ATP8A2: variants seen among roughly 807,000 people sequenced by gnomAD.
The protein encoded by ATP8A2 is ATPase phospholipid transporting 8A2.
In ATP8A2, 100 loss-of-function variants were observed where a neutral mutation model predicts 165.6. The ratio of observed to expected loss-of-function variants is 0.60; its 90% CI spans 0.51 to 0.71. The LOEUF is 0.71. Among genes scored for constraint, ATP8A2 ranks in the 30% least tolerant of loss-of-function variants. ATP8A2 has a pLI of 0.00. For synonymous variants in ATP8A2, 543 were observed against 548.8 expected, an observed-to-expected ratio of 0.99 and a Z score of 0.15; for missense variants, 1,227 against 1,479.5, an observed-to-expected ratio of 0.83 and a Z score of 2.80.
In ATP8A2 at chr13:25,849,213, G is replaced by GC. The variant is rs139967087; in HGVS notation, c.2956+9590dup. ...ACCTCAGTTCTCCCTCCTGAGCCCTGCATGAGTGTGATGCCTGCATTGTTC... is the reference window on the plus strand; with the variant it reads ...ACCTCAGTTCTCCCTCCTGAGCCCTGCCATGAGTGTGATGCCTGCATTGTTC... On this transcript the variant is annotated intron_variant, in intron 30 of 36. Coordinates refer to ENST00000381655, the MANE Select transcript of ATP8A2 (RefSeq NM_016529.6). 1.3e-3 allele frequency among the ~76,000 whole-genome samples: 205 copies of GC among 152,322 alleles called. 2 individuals are homozygous for GC. Among genetic ancestry groups the GC allele is most frequent in the African/African-American group, 4.8e-3 (200 of 41,562 alleles).
chr13:25,795,376 A>T (rs1950480096), intron 27 of ATP8A2, among the ~76,000 whole-genome samples: 1 of 152,218 alleles, frequency 6.6e-6, no homozygotes, highest in African/African-American at 2.4e-5. Context: ...CACAAGTGCA[A>T]AGACCTTCTG....
At chr13:25,718,078 C>A (rs2138015917) in intron 25 of ATP8A2, among the ~76,000 whole-genome samples, 1 of 152,226 alleles carries the variant, frequency 6.6e-6, no homozygotes, top group African/African-American at 2.4e-5. Context: ...AAAATTATGT[C>A]CCATGCACCC....
At chr13:25,407,128 C>T (rs1169974531) in intron 1 of ATP8A2, among the ~76,000 whole-genome samples, 2 of 152,178 alleles carry the variant, frequency 1.3e-5, no homozygotes, top group African/African-American at 4.8e-5. Context: ...TTCTCAGTGT[C>T]CACCCAAGGT....
intron 33 of ATP8A2, among the ~76,000 whole-genome samples, chr13:25,868,516 A>G (rs1593476027): frequency 1.3e-5 from 2 of 151,968 alleles, no homozygotes. Context: ...AATTGGCCCA[A>G]TTATTCATTG....
chr13:25,648,116 T>C (rs1163937994), intron 24 of ATP8A2, among the ~76,000 whole-genome samples: 1 of 152,214 alleles, frequency 6.6e-6, no homozygotes, highest in Non-Finnish European at 1.5e-5. Flanking sequence ...TTCTTTTTTC[T>C]TTTTATTTCT....
At chr13:25,837,430 CACACACACACA>C (rs1951644096) in intron 29 of ATP8A2, 145 bp downstream of exon 29, 2 of 135,890 alleles carry the variant, frequency 1.5e-5, no homozygotes, top group African/African-American at 1.8e-4. Flanking sequence ...CCACCACACA[CACACACACACA>C]CACACACACA....
chr13:26,006,675 A>C (rs541883772), intron 35 of ATP8A2, among the ~76,000 whole-genome samples: 13 of 152,084 alleles, frequency 8.5e-5, no homozygotes, highest in African/African-American at 3.1e-4. Context: ...TTTCATGATA[A>C]GGAATTTCCC....
chr13:25,836,496 G>A (rs2138642991), intron 28 of ATP8A2, among the ~76,000 whole-genome samples: 1 of 152,242 alleles, frequency 6.6e-6, no homozygotes, highest in South Asian at 2.1e-4. Context: ...AGAATCCTTT[G>A]GTGACTCTCC....
chr13:26,009,651 A>C (rs1956804453), intron 35 of ATP8A2, among the ~76,000 whole-genome samples: 1 of 152,148 alleles, frequency 6.6e-6, no homozygotes, highest in Non-Finnish European at 1.5e-5. Flanking sequence ...GAGGTGGTGG[A>C]TGGCAGGCCT....
At chr13:25,521,444 C>A (rs1198578699) in intron 2 of ATP8A2, among the ~76,000 whole-genome samples, 3 of 152,120 alleles carry the variant, frequency 2.0e-5, no homozygotes, top group Non-Finnish European at 2.9e-5. Flanking sequence ...ACAAGAAAAT[C>A]TTTGTCTAGA....
At chr13:25,439,971 A>G (rs936892940) in intron 1 of ATP8A2, among the ~76,000 whole-genome samples, 3 of 152,062 alleles carry the variant, frequency 2.0e-5, no homozygotes, top group African/African-American at 7.2e-5. Context: ...CAGGCTATGG[A>G]GTTTGAGTAT....
chr13:25,943,256 C>T (rs1180201980), intron 33 of ATP8A2, among the ~76,000 whole-genome samples: 2 of 152,154 alleles, frequency 1.3e-5, no homozygotes, highest in Non-Finnish European at 2.9e-5. Context: ...GCTATGCTGT[C>T]AACTGGAGGC....
intron 33 of ATP8A2, among the ~76,000 whole-genome samples, chr13:25,936,851 C>G (rs1479864180): frequency 6.6e-6 from 1 of 152,170 alleles, no homozygotes; most frequent in Non-Finnish European, 1.5e-5. Context: ...GCTACCTGTC[C>G]AAGACACTCT....
At chr13:25,992,832 T>TC (rs1399440449) in intron 35 of ATP8A2, among the ~76,000 whole-genome samples, 16 of 146,704 alleles carry the variant, frequency 1.1e-4, no homozygotes, top group African/African-American at 2.5e-4. Flanking sequence ...ATGCTATCCC[T>TC]CCCCCCTTCC....
intron 33 of ATP8A2, among the ~76,000 whole-genome samples, chr13:25,914,950 A>G (rs1215426121): frequency 6.6e-6 from 1 of 152,192 alleles, no homozygotes; most frequent in Non-Finnish European, 1.5e-5. Flanking sequence ...TTCAAGCACC[A>G]AACTCTCATC....
chr13:25,913,798 C>T (rs1279713323), intron 33 of ATP8A2, among the ~76,000 whole-genome samples: 1 of 152,192 alleles, frequency 6.6e-6, no homozygotes, highest in African/African-American at 2.4e-5. Flanking sequence ...TCTTTCTGAG[C>T]TTCTCTGGGA....
chr13:25,831,709 G>A (rs528394437), intron 28 of ATP8A2, among the ~76,000 whole-genome samples: 16 of 151,678 alleles, frequency 1.1e-4, no homozygotes, highest in African/African-American at 1.9e-4. Flanking sequence ...TGGGCGTGAC[G>A]GTGTGCACCT....
At chr13:25,860,394 A>C in intron 31 of ATP8A2, 138 bp downstream of exon 31, 1 of 566,316 alleles carries the variant, frequency 1.8e-6, no homozygotes, top group Non-Finnish European at 3.1e-6. Flanking sequence ...TATCCTTCAA[A>C]GTTCAGAATG....
In ATP8A2 at chr13:25,839,554, G is replaced by C. The variant is rs755793939; in HGVS notation, c.2886G>C (p.Trp962Cys). ...NGEGFNTKVF[W>C]GHCINALVHS... is the part of the protein sequence containing the mutation. ...GGTTTGTTTTTCCTTAGGTTTTCTG[G>C]GGTCACTGCATCAACGCCTTGGTCC... The change falls in exon 30 of 37, where the codon TGG (tryptophan) becomes TGC (cysteine). Residue 962 changes from tryptophan to cysteine, a missense_variant. Around this residue, in one of 5 missense-constraint regions of ATP8A2, gnomAD observed 260 missense variants for 245.1 expected, o/e 1.06. Coordinates refer to ENST00000381655, the MANE Select transcript of ATP8A2 (RefSeq NM_016529.6). 1.9e-6 allele frequency: 3 copies of C among 1,613,744 alleles called. No individual in the cohort carries two copies. Among genetic ancestry groups the C allele is most frequent in the Non-Finnish European group, 1.7e-6 (2 of 1,179,848 alleles).
Sources: allele counts gnomAD v4.1 joint callset (sites outside exome capture counted in the v4.1 genomes callset), GRCh38; gene constraint gnomAD v4.1.1; regional missense constraint gnomAD v4.1.1; transcripts MANE v1.5; gene names NCBI Gene and HGNC (gene_info 2026-07-23, HGNC 2026-07-21).